Variants in MARCHF1 observed in about 807,000 individuals in gnomAD.
MARCHF1 encodes the protein E3 ubiquitin-protein ligase MARCHF1.
MARCHF1 carries 40 observed loss-of-function variants against 54.2 expected under a neutral mutation model. The ratio of observed to expected loss-of-function variants is 0.74; its 90% CI spans 0.57 to 0.96. MARCHF1 has a LOEUF of 0.96. Among genes scored for constraint, MARCHF1 ranks in the 40% least tolerant of loss-of-function variants. The probability of loss-of-function intolerance (pLI) is 0.00; values close to 1 mark genes in which losing one functional copy is unlikely to be tolerated. For missense variants in MARCHF1, 586 were observed against 656.5 expected (o/e 0.89, Z 1.17); for synonymous variants, 236 against 236.3 (o/e 1.00, Z 0.01).
chr4:163,801,174 T>A (rs1748071723), intron 4 of MARCHF1, among the ~76,000 whole-genome samples: 1 of 152,084 alleles, frequency 6.6e-6, no homozygotes, highest in Non-Finnish European at 1.5e-5. Context: ...TTGTGCTTTG[T>A]TGCTTAACGA....
At chr4:163,625,494 G>A (rs1412349824) in intron 5 of MARCHF1, among the ~76,000 whole-genome samples, 1 of 152,214 alleles carries the variant, frequency 6.6e-6, no homozygotes, top group African/African-American at 2.4e-5. Context: ...TAGTAGAATT[G>A]AGTTGAACTG....
At chr4:164,108,725 A>G (rs1755763953) in intron 2 of MARCHF1, among the ~76,000 whole-genome samples, 1 of 152,108 alleles carries the variant, frequency 6.6e-6, no homozygotes, top group Non-Finnish European at 1.5e-5. Flanking sequence ...CTGGAAAAAG[A>G]AAGTCTATAA....
intron 2 of MARCHF1, among the ~76,000 whole-genome samples, chr4:164,062,386 T>C (rs941104864): frequency 6.6e-6 from 1 of 152,122 alleles, no homozygotes; most frequent in Non-Finnish European, 1.5e-5. Flanking sequence ...ACCTCCTTTA[T>C]GAGTTACTAA....
intron 2 of MARCHF1, among the ~76,000 whole-genome samples, chr4:164,063,807 A>C (rs1201518226): frequency 6.6e-6 from 1 of 152,150 alleles, no homozygotes; most frequent in Non-Finnish European, 1.5e-5. Flanking sequence ...AAACATGTAG[A>C]ATAACTGTCT....
Position 164,188,300 on chromosome 4 carries a change from G to C in MARCHF1, c.-322-76638C>G, listed in dbSNP as rs2111038912. On this transcript the variant is annotated intron_variant, in intron 1 of 9. Coordinates refer to ENST00000514618, the MANE Select transcript of MARCHF1 (RefSeq NM_001394959.1). ...GGGTGTTTCGCAATTGTGAGAGGCG[G>C]GTAACCGCGCTGCGCTCCTGTGCTG... The C allele has an allele frequency of 1.3e-5, 4 of 317,238 alleles. No individual in the cohort carries two copies. In the South Asian group the frequency reaches 1.4e-4, roughly 11 times the overall value. 19.7% of individuals were successfully genotyped at this position (317,238 alleles called of 1,614,324 possible). A position where few individuals can be genotyped will look rare whatever the true frequency, so the allele number is the denominator to read the frequency against.
chr4:164,189,487 C>T, intron 1 of MARCHF1: 1 of 723,230 alleles, frequency 1.4e-6, no homozygotes, highest in Non-Finnish European at 2.5e-6. Flanking sequence ...TCCAAAGATT[C>T]AGCAACTGGT....
At chr4:163,669,603 T>A (rs1367918046) in intron 5 of MARCHF1, among the ~76,000 whole-genome samples, 4 of 20,730 alleles carry the variant, frequency 1.9e-4, no homozygotes, top group South Asian at 9.5e-4. Flanking sequence ...ATGTTTATCT[T>A]TTTTTTTTTT....
At chr4:163,566,371 G>A (rs1351773226) in intron 8 of MARCHF1, among the ~76,000 whole-genome samples, 1 of 152,194 alleles carries the variant, frequency 6.6e-6, no homozygotes, top group East Asian at 1.9e-4. Context: ...CACATATTAG[G>A]AGCAAAGGAA....
intron 2 of MARCHF1, among the ~76,000 whole-genome samples, chr4:164,037,778 AT>A (rs1754040813): frequency 6.6e-6 from 1 of 152,212 alleles, no homozygotes. Context: ...TGTCATGTTG[AT>A]AGTATGTACC....
chr4:164,268,959 A>T (rs1170898286), intron 1 of MARCHF1, among the ~76,000 whole-genome samples: 1 of 152,154 alleles, frequency 6.6e-6, no homozygotes, highest in Non-Finnish European at 1.5e-5. Context: ...GAAGCTTGAG[A>T]TGTCTATTAT....
intron 5 of MARCHF1, among the ~76,000 whole-genome samples, chr4:163,679,753 C>T (rs552128917): frequency 6.6e-6 from 1 of 151,992 alleles, no homozygotes; most frequent in South Asian, 2.1e-4. Context: ...GCTGGGACTA[C>T]GGGCGCCCAC....
chr4:164,132,117 C>T (rs1444593097), intron 1 of MARCHF1, among the ~76,000 whole-genome samples: 1 of 152,126 alleles, frequency 6.6e-6, no homozygotes, highest in African/African-American at 2.4e-5. Context: ...ATGTTTCACA[C>T]TTCAAGAGAG....
chr4:164,021,032 A>C (rs1028454252), intron 2 of MARCHF1, among the ~76,000 whole-genome samples: 1 of 151,190 alleles, frequency 6.6e-6, no homozygotes, highest in Non-Finnish European at 1.5e-5. Flanking sequence ...AAGTGAGTGT[A>C]AAGACCATGG....
chr4:164,346,042 T>C (rs373091209), intron 1 of MARCHF1, among the ~76,000 whole-genome samples: 1 of 152,204 alleles, frequency 6.6e-6, no homozygotes, highest in Non-Finnish European at 1.5e-5. Context: ...TTCAGGCCAA[T>C]GGTTTGATTG....
In MARCHF1 at chr4:163,854,148, T is replaced by C. The variant is rs1749708999; in HGVS notation, c.-17A>G. ...GCCCAGCATTTTCTCCTTCCTCTTA[T>C]CCCTTTTCAATTTCTGAAATTCTGA... On this transcript the variant is annotated 5_prime_UTR_variant, in exon 4 of 10. Transcript: ENST00000514618. 1 of 1,521,238 alleles carries C rather than the reference T, an allele frequency of 6.6e-7. No individual in the cohort carries two copies. Among genetic ancestry groups the C allele is most frequent in the African/African-American group, 1.4e-5 (1 of 72,540 alleles). The allele number at this position is 1,521,238 out of a possible 1,614,324, so 94.2% of individuals were successfully genotyped here. A position where few individuals can be genotyped will look rare whatever the true frequency, so the allele number is the denominator to read the frequency against.
chr4:163,994,257 A>AGTGTGTGTGTGTGTGTGT (rs769035806), intron 2 of MARCHF1, among the ~76,000 whole-genome samples: 31 of 137,130 alleles, frequency 2.3e-4, no homozygotes, highest in Non-Finnish European at 3.4e-4. Context: ...ATAGAGAAAA[A>AGTGTGTGTGTGTGTGTGT]GTGTGTGTGT....
rs551186447 is a variant in MARCHF1, at chr4:164,314,852, A to T, written c.-323+69018T>A. Reference sequence around the variant, plus strand: ...GTGATGACTTTTATGTTACTATATTAAGTAAAATAAAACCTCCCAGGTCCT... The same window carrying T: ...GTGATGACTTTTATGTTACTATATTTAGTAAAATAAAACCTCCCAGGTCCT... On this transcript the variant is annotated intron_variant, in intron 1 of 9. Transcript: ENST00000514618. 1.1e-4 allele frequency among the ~76,000 whole-genome samples: 16 copies of T among 152,288 alleles called. No individual in the cohort carries two copies. The East Asian group carries it at 3.1e-3, about 29-fold the overall frequency.
chr4:163,822,887 G>A (rs1003047122), intron 4 of MARCHF1, among the ~76,000 whole-genome samples: 2 of 151,752 alleles, frequency 1.3e-5, no homozygotes, highest in Non-Finnish European at 2.9e-5. Context: ...GTGATTTGTA[G>A]CACTCTGAAT....
chr4:163,833,766 C>T (rs1177080529), intron 4 of MARCHF1, among the ~76,000 whole-genome samples: 1 of 152,024 alleles, frequency 6.6e-6, no homozygotes, highest in Non-Finnish European at 1.5e-5. Context: ...AGAAAGACAA[C>T]TGAAGAAAGT....
Sources: allele counts gnomAD v4.1 joint callset (sites outside exome capture counted in the v4.1 genomes callset), GRCh38; gene constraint gnomAD v4.1.1; transcripts MANE v1.5; gene names NCBI Gene and HGNC (gene_info 2026-07-23, HGNC 2026-07-21).